Variants in CDC42BPA observed in about 807,000 individuals in gnomAD.
CDC42BPA encodes serine/threonine-protein kinase MRCK alpha.
In CDC42BPA, 80 loss-of-function variants were observed where a neutral mutation model predicts 223.5. The observed-to-expected ratio is 0.36, with a 90% CI of 0.30 to 0.43. The LOEUF is 0.43. Ranked by LOEUF, CDC42BPA falls within the 20% of genes least tolerant of loss-of-function variation. The pLI, the probability that CDC42BPA is intolerant of heterozygous loss-of-function variation, is 1.00. For missense variants in CDC42BPA, 1,743 were observed against 2,099.9 expected, an observed-to-expected ratio of 0.83 and a Z score of 3.32; for synonymous variants, 694 against 718.6, an observed-to-expected ratio of 0.97 and a Z score of 0.55.
chr1:227,080,492 T>C (rs888160938), intron 17 of CDC42BPA, among the ~76,000 whole-genome samples: 2 of 152,170 alleles, frequency 1.3e-5, no homozygotes, highest in African/African-American at 4.8e-5. Context: ...CAGTACAGTA[T>C]CTTTAGCTTC....
At chr1:227,212,449 C>T (rs1489693649) in intron 3 of CDC42BPA, among the ~76,000 whole-genome samples, 2 of 150,436 alleles carry the variant, frequency 1.3e-5, no homozygotes, top group East Asian at 1.9e-4. Flanking sequence ...GAATTCTACA[C>T]CAGTTAAGTT....
At chr1:227,120,072 G>T in intron 11 of CDC42BPA, 135 bp from the exon 12 acceptor site, 1 of 568,256 alleles carries the variant, frequency 1.8e-6, no homozygotes, top group Non-Finnish European at 3.0e-6. Flanking sequence ...ATACCAGTAT[G>T]ACTCTTGACA....
chr1:227,001,400 A>T (rs1223727379), intron 35 of CDC42BPA, among the ~76,000 whole-genome samples: 1 of 152,208 alleles, frequency 6.6e-6, no homozygotes, highest in Non-Finnish European at 1.5e-5. Context: ...GGGCCTTGAC[A>T]AGAACGCCAG....
intron 16 of CDC42BPA, among the ~76,000 whole-genome samples, chr1:227,090,256 A>G (rs1452324349): frequency 6.6e-6 from 1 of 152,212 alleles, no homozygotes; most frequent in African/African-American, 2.4e-5. Context: ...AGTCATTTAA[A>G]AAATGTTTTA....
intron 4 of CDC42BPA, among the ~76,000 whole-genome samples, chr1:227,195,243 G>A (rs1670473969): frequency 6.6e-6 from 1 of 152,110 alleles, no homozygotes; most frequent in South Asian, 2.1e-4. Flanking sequence ...CGCCAGGCTG[G>A]AGTGCAGTGG....
intron 5 of CDC42BPA, among the ~76,000 whole-genome samples, chr1:227,177,878 C>T (rs1667239659): frequency 6.6e-6 from 1 of 151,994 alleles, no homozygotes; most frequent in Admixed American, 6.6e-5. Flanking sequence ...GATCTATATC[C>T]AAATTGAATT....
chr1:227,300,742 G>A (rs1343109498), intron 1 of CDC42BPA, among the ~76,000 whole-genome samples: 5 of 152,160 alleles, frequency 3.3e-5, no homozygotes, highest in African/African-American at 7.2e-5. Context: ...CTCAGGTGAC[G>A]AGTGTACTAA....
intron 12 of CDC42BPA, among the ~76,000 whole-genome samples, chr1:227,118,335 T>C (rs1688093784): frequency 6.6e-6 from 1 of 152,074 alleles, no homozygotes; most frequent in Admixed American, 6.6e-5. Context: ...GAAGTAAACA[T>C]CAAAACCATA....
chr1:227,251,832 T>C (rs1235903750), intron 2 of CDC42BPA, among the ~76,000 whole-genome samples: 4 of 152,162 alleles, frequency 2.6e-5, no homozygotes, highest in Non-Finnish European at 4.4e-5. Context: ...TTTCAAAGGA[T>C]TCTAATCACA....
chr1:227,276,181 C>T (rs1686975835), intron 1 of CDC42BPA, among the ~76,000 whole-genome samples: 1 of 151,364 alleles, frequency 6.6e-6, no homozygotes, highest in South Asian at 2.1e-4. Flanking sequence ...TGCCGCCCAT[C>T]GTCTGAGATG....
intron 32 of CDC42BPA, among the ~76,000 whole-genome samples, chr1:227,020,533 A>C (rs1371429549): frequency 6.6e-6 from 1 of 152,192 alleles, no homozygotes; most frequent in East Asian, 1.9e-4. Context: ...TAAATCTCAT[A>C]AGCCAAACTC....
intron 1 of CDC42BPA, chr1:227,264,816 T>A: frequency 6.9e-7 from 1 of 1,453,290 alleles, no homozygotes; most frequent in Non-Finnish European, 9.6e-7. Flanking sequence ...TCTTCTTGCT[T>A]TTTTGGAATT....
chr1:227,257,909 G>A (rs557546335), intron 1 of CDC42BPA, among the ~76,000 whole-genome samples: 9 of 151,058 alleles, frequency 6.0e-5, no homozygotes, highest in African/African-American at 2.0e-4. Flanking sequence ...GGTGGTTCAC[G>A]CCTGTATCCC....
At chr1:227,269,442 A>G (rs956727583) in intron 1 of CDC42BPA, among the ~76,000 whole-genome samples, 3 of 152,262 alleles carry the variant, frequency 2.0e-5, no homozygotes, top group Non-Finnish European at 2.9e-5. Flanking sequence ...GCATATTCAC[A>G]TAACATTGAA....
At chr1:227,044,595 T>C (rs1307105950) in intron 23 of CDC42BPA, among the ~76,000 whole-genome samples, 5 of 152,186 alleles carry the variant, frequency 3.3e-5, no homozygotes, top group African/African-American at 9.6e-5. Flanking sequence ...GGTATCTATA[T>C]GGGCGGGGCA....
At chr1:227,010,738 A>G (rs1665014083) in intron 34 of CDC42BPA, 1 of 258,238 alleles carries the variant, frequency 3.9e-6, no homozygotes, top group Admixed American at 5.7e-5. Flanking sequence ...GAGGAAGAGG[A>G]GAAGTTTGGC....
chr1:227,041,295 T>TCCCTC (rs1490754429), intron 23 of CDC42BPA, among the ~76,000 whole-genome samples: 1 of 152,070 alleles, frequency 6.6e-6, no homozygotes, highest in Non-Finnish European at 1.5e-5. Flanking sequence ...CTGGCACCCC[T>TCCCTC]CCCTCCTTCC....
chr1:227,203,298 T>C (rs539791201), intron 3 of CDC42BPA, among the ~76,000 whole-genome samples: 1 of 152,256 alleles, frequency 6.6e-6, no homozygotes, highest in East Asian at 1.9e-4. Flanking sequence ...CTTGTCACAA[T>C]TGGGAAAGGA....
chr1:227,068,688 GAAGAA>G, intron 21 of CDC42BPA: 1 of 1,205,542 alleles, frequency 8.3e-7, no homozygotes, highest in Non-Finnish European at 1.1e-6. Context: ...AGATGAGGAA[GAAGAA>G]AAGGAATCCT....
Sources: gnomAD v4.1 joint callset for allele counts (sites outside exome capture counted in the v4.1 genomes callset) on GRCh38, gnomAD v4.1.1 for gene constraint, MANE v1.5 for transcripts, NCBI Gene and HGNC (gene_info 2026-07-23, HGNC 2026-07-21) for gene names.